The following GRIA3 variants were observed in gnomAD, a reference collection of about 807,000 sequenced individuals.
GRIA3 encodes the protein glutamate ionotropic receptor AMPA type subunit 3.
A neutral mutation model predicts 63.0 loss-of-function variants in GRIA3; 3 were observed. The ratio of observed to expected loss-of-function variants is 0.05; its 90% CI spans 0.02 to 0.12. GRIA3 has a LOEUF of 0.12. Among genes scored for constraint, GRIA3 ranks in the 10% least tolerant of loss-of-function variants. The probability of loss-of-function intolerance (pLI) is 1.00; values close to 1 mark genes in which losing one functional copy is unlikely to be tolerated. For synonymous variants in GRIA3, 274 were observed against 257.9 expected, an observed-to-expected ratio of 1.06 and a Z score of -0.60; for missense variants, 347 against 700.9, an observed-to-expected ratio of 0.50 and a Z score of 5.70.
intron 10 of GRIA3, among the ~76,000 whole-genome samples, chrX:123,413,558 A>C (rs1045700618): frequency 3.7e-4 from 36 of 97,566 alleles, no homozygotes; most frequent in Non-Finnish European, 6.2e-4. Context: ...AAAAAAAAAA[A>C]AAAAAAAAAA....
intron 2 of GRIA3, among the ~76,000 whole-genome samples, chrX:123,190,248 C>G (rs1456437240): frequency 9.0e-6 from 1 of 110,705 alleles, no homozygotes; most frequent in African/African-American, 3.3e-5. Context: ...CTCACTCCCC[C>G]TCTTCCCTGC....
chrX:123,353,677 G>A (rs2045113798), intron 4 of GRIA3, among the ~76,000 whole-genome samples: 1 of 111,385 alleles, frequency 9.0e-6, no homozygotes, highest in Admixed American at 9.6e-5. Context: ...CACTTGCATA[G>A]CTTCTTTCCA....
At chrX:123,297,212 C>T (rs916977738) in intron 3 of GRIA3, among the ~76,000 whole-genome samples, 2 of 111,399 alleles carry the variant, frequency 1.8e-5, no homozygotes, top group Non-Finnish European at 3.8e-5. Flanking sequence ...CATGTTAAAG[C>T]TTGACAAGTT....
intron 3 of GRIA3, among the ~76,000 whole-genome samples, chrX:123,306,755 C>T (rs1400226357): frequency 8.9e-6 from 1 of 111,882 alleles, no homozygotes; most frequent in Non-Finnish European, 1.9e-5. Context: ...GTAGGGGAGC[C>T]TAGGGTTGAA....
intron 10 of GRIA3, 81 bp from the exon 11 acceptor site, chrX:123,417,318 AAAG>A: frequency 1.2e-6 from 1 of 801,197 alleles, no homozygotes; most frequent in Non-Finnish European, 1.9e-6. Flanking sequence ...TATTTTCACC[AAAG>A]AAGTATATTA....
chrX:123,397,062 A>G (rs1603133166), intron 6 of GRIA3, among the ~76,000 whole-genome samples: 2 of 112,240 alleles, frequency 1.8e-5, no homozygotes, highest in African/African-American at 6.5e-5. Context: ...AGAGCCATAC[A>G]AAAGAGAAGG....
chrX:123,289,294 A>C (rs1042290753), intron 3 of GRIA3, among the ~76,000 whole-genome samples: 1 of 110,303 alleles, frequency 9.1e-6, no homozygotes, highest in African/African-American at 3.3e-5. Flanking sequence ...GGGGAGGGAT[A>C]GCATTAGGAG....
intron 5 of GRIA3, among the ~76,000 whole-genome samples, chrX:123,383,444 C>G (rs779615913): frequency 1.3e-4 from 15 of 111,643 alleles, no homozygotes; most frequent in African/African-American, 4.2e-4. Context: ...CCCTCTCTCA[C>G]CCTTCCCAGC....
At chrX:123,245,336 T>C (rs2044352205) in intron 2 of GRIA3, among the ~76,000 whole-genome samples, 1 of 111,785 alleles carries the variant, frequency 8.9e-6, no homozygotes, top group Non-Finnish European at 1.9e-5. Flanking sequence ...CAGTTAGAAA[T>C]GTGGCTCTGG....
intron 2 of GRIA3, among the ~76,000 whole-genome samples, chrX:123,206,476 G>A (rs898963593): frequency 8.9e-6 from 1 of 112,106 alleles, no homozygotes; most frequent in African/African-American, 3.2e-5. Flanking sequence ...GCAGCAATCT[G>A]CTGTTCTAAA....
At chrX:123,317,007 G>T (rs2044835750) in intron 3 of GRIA3, among the ~76,000 whole-genome samples, 1 of 111,780 alleles carries the variant, frequency 8.9e-6, no homozygotes, top group Non-Finnish European at 1.9e-5. Context: ...TGGACTTACA[G>T]TCCCACATGG....
chrX:123,484,074 C>T lies in GRIA3; in HGVS notation c.*2+1028C>T, dbSNP rs1047629853. On this transcript the variant is annotated intron_variant, in intron 15 of 15. Coordinates refer to ENST00000620443, the MANE Select transcript of GRIA3 (RefSeq NM_007325.5). ...GCTTTGAGTTCTTTTGTTGTCCCTT[C>T]CTTGGAACTGGTGCACAGGTAAGTG... Among the ~76,000 whole-genome samples, 8 of 111,923 alleles carry T rather than the reference C, an allele frequency of 7.1e-5. 1 individual carries two copies. The Admixed American group carries it at 7.5e-4, about 11-fold the overall frequency.
intron 13 of GRIA3, among the ~76,000 whole-genome samples, chrX:123,467,937 C>T (rs772083820): frequency 4.5e-5 from 5 of 111,915 alleles, no homozygotes; most frequent in Admixed American, 9.5e-5. Context: ...TGACAGCTCA[C>T]GATTTCCAGA....
At chrX:123,392,016 G>A (rs1263810106) in intron 5 of GRIA3, among the ~76,000 whole-genome samples, 1 of 112,057 alleles carries the variant, frequency 8.9e-6, no homozygotes, top group Non-Finnish European at 1.9e-5. Flanking sequence ...TGGTGCACGT[G>A]GGTGCTGGCT....
chrX:123,362,682 G>A (rs1422595218), intron 5 of GRIA3, among the ~76,000 whole-genome samples: 2 of 107,229 alleles, frequency 1.9e-5, no homozygotes, highest in Admixed American at 2.0e-4. Flanking sequence ...TGAGTTTTAT[G>A]TGATATAAAT....
intron 13 of GRIA3, among the ~76,000 whole-genome samples, chrX:123,470,850 T>C (rs1415856275): frequency 8.9e-6 from 1 of 112,286 alleles, no homozygotes; most frequent in African/African-American, 3.2e-5. Context: ...TGCAACAAAA[T>C]GGACCTTTTA....
At chrX:123,363,437 C>T (rs943643352) in intron 5 of GRIA3, among the ~76,000 whole-genome samples, 1 of 112,416 alleles carries the variant, frequency 8.9e-6, no homozygotes, top group Non-Finnish European at 1.9e-5. Context: ...AATATCCACA[C>T]TTCCAAAAGT....
At chrX:123,322,006 A>G (rs5911586) in intron 3 of GRIA3, among the ~76,000 whole-genome samples, 16,622 of 110,898 alleles carry the variant, frequency 0.15, 1,190 homozygotes, top group Non-Finnish European at 0.22. Flanking sequence ...AGGATACCCC[A>G]GGAAAGGGTC....
chrX:123,412,930 A>G (rs974815893), intron 10 of GRIA3, among the ~76,000 whole-genome samples: 2 of 111,299 alleles, frequency 1.8e-5, no homozygotes, highest in Admixed American at 1.9e-4. Flanking sequence ...CCAGAAAAAA[A>G]AAATACAGAA....
Sources: allele counts gnomAD v4.1 joint callset (sites outside exome capture counted in the v4.1 genomes callset), GRCh38; gene constraint gnomAD v4.1.1; transcripts MANE v1.5; gene names NCBI Gene and HGNC (gene_info 2026-07-23, HGNC 2026-07-21).